Variants in MTCH2 observed in about 807,000 individuals in gnomAD.
MTCH2 encodes mitochondrial carrier 2.
In MTCH2, 25 loss-of-function variants were observed where a neutral mutation model predicts 50.6. The ratio of observed to expected loss-of-function variants is 0.49; its 90% CI spans 0.36 to 0.69. The LOEUF (loss-of-function observed/expected upper bound fraction) is 0.69, where lower values mean the gene tolerates loss of function less well. Ranked by LOEUF, MTCH2 falls within the 30% of genes least tolerant of loss-of-function variation. The probability of loss-of-function intolerance (pLI) is 0.00; values close to 1 mark genes in which losing one functional copy is unlikely to be tolerated. For missense variants in MTCH2, 273 were observed against 384.4 expected, an observed-to-expected ratio of 0.71 and a Z score of 2.42; for synonymous variants, 106 against 132.0, an observed-to-expected ratio of 0.80 and a Z score of 1.35.
At chr11:47,630,676 A>T (rs1198069530) in intron 7 of MTCH2, 62 bp from the exon 8 acceptor site, 15 of 1,454,630 alleles carry the variant, frequency 1.0e-5, no homozygotes, top group Non-Finnish European at 1.3e-5. Flanking sequence ...TAAACAAAAT[A>T]ATTTCAATTA....
chr11:47,607,146 G>C, the MTCH2 span, among the ~76,000 whole-genome samples: 3 of 152,106 alleles, frequency 2.0e-5, no homozygotes, highest in Admixed American at 6.6e-5. Context: ...CTTTATCTCT[G>C]AGCTTCCATT....
At chr11:47,614,404 C>A (rs2153797611), downstream of MTCH2, among the ~76,000 whole-genome samples, 1 of 152,176 alleles carries the variant, frequency 6.6e-6, no homozygotes, top group Admixed American at 6.6e-5. Context: ...TGTCTTGCTC[C>A]CTTATCTGCC....
chr11:47,625,747 A>G lies in MTCH2; in HGVS notation c.682-6T>C. ...GTCAACATACTCGCAAAAAACTGTA[A>G]AATGGAAACAAGGCAGCTGTTATTA... On this transcript the variant is annotated splice_polypyrimidine_tract_variant and splice_region_variant and intron_variant, in intron 10 of 12. Coordinates refer to ENST00000302503, the MANE Select transcript of MTCH2 (RefSeq NM_014342.4). The G allele has an allele frequency of 6.6e-7, 1 of 1,524,688 alleles. No homozygotes were observed. Among genetic ancestry groups the G allele is most frequent in the South Asian group, 1.2e-5 (1 of 82,684 alleles). 94.4% of individuals were successfully genotyped at this position (1,524,688 alleles called of 1,614,324 possible).
rs1440337316 is a variant in MTCH2, at chr11:47,626,939, C to T, written c.681+141G>A. 6 of 666,896 alleles carry T rather than the reference C, an allele frequency of 9.0e-6. No homozygotes were observed. In the East Asian group the frequency reaches 1.8e-4, roughly 20 times the overall value. The allele number at this position is 666,896 out of a possible 1,614,324, so 41.3% of individuals were successfully genotyped here. On this transcript the variant is annotated intron_variant, in intron 10 of 12. Transcript: ENST00000302503. ...AAAACTGAGTTATTCTTACCTTTGACAAATATAACAAATTTCAGGGAGATG... is the reference window on the plus strand; with the variant it reads ...AAAACTGAGTTATTCTTACCTTTGATAAATATAACAAATTTCAGGGAGATG...
At chr11:47,638,850 A>C in intron 2 of MTCH2, 45 bp from the exon 3 acceptor site, 1 of 1,595,272 alleles carries the variant, frequency 6.3e-7, no homozygotes, top group Non-Finnish European at 8.6e-7. Flanking sequence ...GGTCAAGAGA[A>C]ATGGATATAC....
chr11:47,634,769 ATTTTTT>A (rs139407275), intron 4 of MTCH2, 35 bp from the exon 5 acceptor site: 54 of 739,226 alleles, frequency 7.3e-5, no homozygotes, highest in East Asian at 1.7e-4. Flanking sequence ...AGAGATCTTG[ATTTTTT>A]TTTTTTTTTT....
chr11:47,629,438 AGAC>A, intron 8 of MTCH2: 1 of 220,822 alleles, frequency 4.5e-6, no homozygotes, highest in Non-Finnish European at 9.3e-6. Flanking sequence ...GCAGAGCAAA[AGAC>A]GAGAAAAATT....
chr11:47,609,098 G>A, the MTCH2 span, among the ~76,000 whole-genome samples: 2 of 141,436 alleles, frequency 1.4e-5, no homozygotes, highest in East Asian at 2.1e-4. Flanking sequence ...CACTCCAGCT[G>A]GGGTAACAAG....
At chr11:47,611,080 A>C in the MTCH2 span, among the ~76,000 whole-genome samples, 1 of 152,188 alleles carries the variant, frequency 6.6e-6, no homozygotes, top group African/African-American at 2.4e-5. Context: ...TTAATCCTCC[A>C]ATACTCCTAG....
rs1239013306 is a variant in MTCH2 at position 47,618,905 on chromosome 11, T to G, written c.840A>C (p.Arg280=). Residue 280 remains arginine (R), a synonymous_variant, in exon 13 of 13, where the codon CGA becomes CGC. Transcript: ENST00000302503. ...CCTTCCGGAAAAATAAGCTATTTCCTCGGCTCATATTCCCCTGGAAAACAA... is the reference window on the plus strand; with the variant it reads ...CCTTCCGGAAAAATAAGCTATTTCCGCGGCTCATATTCCCCTGGAAAACAA... ...CMLQKEGNMS[R]GNSLFFRKVP... is the part of the protein sequence containing the mutation. The G allele has an allele frequency of 6.6e-6, 9 of 1,368,628 alleles. No homozygotes were observed. Among genetic ancestry groups the G allele is most frequent in the Admixed American group, 2.3e-5 (1 of 43,588 alleles). 84.8% of individuals were successfully genotyped at this position (1,368,628 alleles called of 1,614,324 possible). A position where few individuals can be genotyped will look rare whatever the true frequency, so the allele number is the denominator to read the frequency against.
Position 47,622,785 on chromosome 11 carries a change from G to C in MTCH2, c.750-9C>G. Reference sequence around the variant, plus strand: ...GGCATCCACCAGCAAGACTAAAATAGAAAAAAACATGGAGCTATTCATGTT... The same window carrying C: ...GGCATCCACCAGCAAGACTAAAATACAAAAAAACATGGAGCTATTCATGTT... On this transcript the variant is annotated splice_polypyrimidine_tract_variant and intron_variant, in intron 11 of 12. Transcript: ENST00000302503. The C allele has an allele frequency of 6.4e-7, 1 of 1,573,758 alleles. No individual in the cohort carries two copies. Among genetic ancestry groups the C allele is most frequent in the South Asian group, 1.1e-5 (1 of 87,110 alleles).
chr11:47,616,626 C>T (rs1221342185), downstream of MTCH2, among the ~76,000 whole-genome samples: 1 of 151,924 alleles, frequency 6.6e-6, no homozygotes, highest in Admixed American at 6.6e-5. Context: ...CACAACCAGC[C>T]TAAGTTCATA....
chr11:47,631,375 C>T (rs2097302877), intron 6 of MTCH2, among the ~76,000 whole-genome samples: 1 of 152,118 alleles, frequency 6.6e-6, no homozygotes, highest in Non-Finnish European at 1.5e-5. Context: ...TGCCATTGCA[C>T]TCCAGCCTGG....
At chr11:47,635,308 C>A (rs1372697276) in intron 4 of MTCH2, among the ~76,000 whole-genome samples, 1 of 152,110 alleles carries the variant, frequency 6.6e-6, no homozygotes, top group Non-Finnish European at 1.5e-5. Flanking sequence ...CTCTTAGATG[C>A]AAGTGATCCT....
the MTCH2 span, among the ~76,000 whole-genome samples, chr11:47,604,614 T>G: frequency 6.6e-6 from 1 of 152,224 alleles, no homozygotes; most frequent in Non-Finnish European, 1.5e-5. Flanking sequence ...CAGCATTGTT[T>G]GTAATAGCAA....
chr11:47,611,000 G>A, the MTCH2 span, among the ~76,000 whole-genome samples: 4 of 152,216 alleles, frequency 2.6e-5, no homozygotes, highest in African/African-American at 9.6e-5. Context: ...TCATCAGAGA[G>A]TGTTAAAAGA....
the MTCH2 span, among the ~76,000 whole-genome samples, chr11:47,608,513 GTC>G: frequency 6.6e-6 from 1 of 152,148 alleles, no homozygotes; most frequent in Non-Finnish European, 1.5e-5. Context: ...AAATAGCCCT[GTC>G]TCTCAGCTCA....
At position 47,642,475 on chromosome 11, in the gene MTCH2, C is replaced by A; in HGVS notation, c.-10G>T. The A allele has an allele frequency of 1.3e-6, 2 of 1,576,082 alleles. No homozygotes were observed. The highest frequency in any genetic ancestry group is 2.4e-5 in the East Asian group (1 of 42,050). ...TGGCCGCGTCCGCCATGATGGCACC[C>A]GCGGGCGGACGGACAGACAGACGGA... On this transcript the variant is annotated 5_prime_UTR_variant, in exon 1 of 13. Transcript: ENST00000302503.
chr11:47,633,526 A>ATATATATTTTTTTTT (rs1378774715), intron 5 of MTCH2, among the ~76,000 whole-genome samples: 16 of 35,072 alleles, frequency 4.6e-4, no homozygotes, highest in South Asian at 1.2e-3. Flanking sequence ...ATATATATAT[A>ATATATATTTTTTTTT]TTTTTTTTTT....
Sources: allele counts gnomAD v4.1 joint callset (sites outside exome capture counted in the v4.1 genomes callset), GRCh38; gene constraint gnomAD v4.1.1; transcripts MANE v1.5; gene names NCBI Gene and HGNC (gene_info 2026-07-23, HGNC 2026-07-21).